RIN2: variants seen among roughly 807,000 people sequenced by gnomAD.
The protein encoded by RIN2 is Ras and Rab interactor 2, also known as RAB5 interacting protein 2.
In RIN2, 36 loss-of-function variants were observed where a neutral mutation model predicts 78.0. The observed-to-expected ratio is 0.46, with a 90% confidence interval of 0.35 to 0.61. The LOEUF is 0.61. Ranked by LOEUF, RIN2 falls within the 20% of genes least tolerant of loss-of-function variation. RIN2 has a pLI of 0.00. For missense variants in RIN2, 1,087 were observed against 1,159.7 expected, an observed-to-expected ratio of 0.94 and a Z score of 0.91; for synonymous variants, 466 against 466.8, an observed-to-expected ratio of 1.00 and a Z score of 0.02.
intron 2 of RIN2, chr20:19,872,066 TG>T (rs35053017): frequency 6.6e-6 from 1 of 152,124 alleles, no homozygotes; most frequent in East Asian, 1.9e-4. Flanking sequence ...TATTGGATCA[TG>T]GGGGCAGTTT....
In RIN2 at chr20:19,975,473, G is replaced by A. The variant is rs2042250468; in HGVS notation, c.1448G>A (p.Arg483Lys). The A allele has an allele frequency of 2.5e-6, 4 of 1,614,030 alleles. No homozygotes were observed. In the East Asian group the frequency reaches 8.9e-5, roughly 36 times the overall value. The stretch of plus-strand genomic sequence containing the variant: ...CCCCCCATCAAGTCCAAAAAGAAAA[G>A]GAGCAGCTCCTTCGTGCTGCCCAAG... ...MAPPIKSKKK[R>K]SSSFVLPKLV... The change falls in exon 9 of 13, where the codon AGG becomes AAG. Residue 483 changes from arginine (R) to lysine (K), a missense_variant. Physicochemically the swap from Arg to Lys is conservative, Grantham distance 26. Transcript: ENST00000255006. This position sits in a 1 kb window ranked among gnomAD's most constrained non-coding sequence, Gnocchi z 4.9.
intron 2 of RIN2, among the ~76,000 whole-genome samples, chr20:19,821,655 C>T (rs553401042): frequency 1.2e-4 from 18 of 148,386 alleles, no homozygotes; most frequent in African/African-American, 3.7e-4. Flanking sequence ...CCATTCCTCA[C>T]GCTGCTCTCT....
chr20:19,895,392 C>T (rs541082653), intron 3 of RIN2, among the ~76,000 whole-genome samples: 12 of 152,264 alleles, frequency 7.9e-5, no homozygotes, highest in Admixed American at 7.8e-4. Flanking sequence ...TACCGGCATA[C>T]CTTTGGGCTT....
chr20:19,968,534 GA>G (rs1474044414), intron 7 of RIN2, among the ~76,000 whole-genome samples: 1 of 152,142 alleles, frequency 6.6e-6, no homozygotes, highest in Non-Finnish European at 1.5e-5. Context: ...GGCACAGTGG[GA>G]GACGATGCAT....
Position 19,889,613 on chromosome 20 carries a change from G to C in RIN2, c.12G>C (p.Trp4Cys), listed in dbSNP as rs1216259431. ...CCTCGCTGGGGGAAATGACAGCTTG[G>C]ACCATGGGCGCCCGCGGTCTGGACA... Reference protein sequence around the residue: MTAWTMGARGLDKR... With the variant: MTACTMGARGLDKR... The change falls in exon 3 of 13, where the codon TGG becomes TGC. Residue 4 changes from tryptophan (W) to cysteine (C), a missense_variant. By Grantham distance (215) the Trp-to-Cys change is radical (BLOSUM62 -2). This residue lies in a region of RIN2 where 706 missense variants were observed against 667.5 expected (regional missense o/e 1.06). Transcript: ENST00000255006. 14 of 1,551,792 alleles carry C rather than the reference G, an allele frequency of 9.0e-6. No individual in the cohort carries two copies. Among genetic ancestry groups the C allele is most frequent in the South Asian group, 6.0e-5 (5 of 83,326 alleles).
At chr20:19,888,418 C>T (rs1039479545) in intron 2 of RIN2, among the ~76,000 whole-genome samples, 1 of 152,204 alleles carries the variant, frequency 6.6e-6, no homozygotes, top group Non-Finnish European at 1.5e-5. Flanking sequence ...CCCTAAATAT[C>T]GCCCTCAATG....
At chr20:19,870,230 A>G (rs2037648991) in intron 2 of RIN2, among the ~76,000 whole-genome samples, 1 of 152,214 alleles carries the variant, frequency 6.6e-6, no homozygotes, top group Non-Finnish European at 1.5e-5. Flanking sequence ...TAAACCCGAG[A>G]TGCCAATTGT....
chr20:19,846,070 C>A (rs1447640440), intron 2 of RIN2, among the ~76,000 whole-genome samples: 1 of 152,144 alleles, frequency 6.6e-6, no homozygotes, highest in East Asian at 1.9e-4. Context: ...GGGCTCTGTT[C>A]TGTTCCATTG....
At chr20:19,932,437 A>G (rs929870824) in intron 3 of RIN2, among the ~76,000 whole-genome samples, 9 of 152,204 alleles carry the variant, frequency 5.9e-5, no homozygotes, top group African/African-American at 1.4e-4. Context: ...GTTTTCCCAC[A>G]TCCTAGAGTA....
chr20:19,897,712 G>A (rs1488327543), intron 3 of RIN2, among the ~76,000 whole-genome samples: 1 of 151,520 alleles, frequency 6.6e-6, no homozygotes, highest in Non-Finnish European at 1.5e-5. Context: ...GGAACTGTTG[G>A]CTTCTTTTTT....
chr20:19,772,146 C>G (rs925235145), intron 1 of RIN2, among the ~76,000 whole-genome samples: 1 of 152,208 alleles, frequency 6.6e-6, no homozygotes, highest in South Asian at 2.1e-4. Flanking sequence ...CAGTTTCTCA[C>G]CCTGTTTCCT....
rs2043149153 is a variant in RIN2 at position 20,001,776 on chromosome 20, A to C, written c.*840A>C. ...TAAGGAGAGAAATGAATGTAGAGAG[A>C]GGTAGAGAGAGAAATATGAACTCTA... On this transcript the variant is annotated 3_prime_UTR_variant, in exon 13 of 13. Transcript: ENST00000255006. 2 of 152,614 alleles carry C rather than the reference A, an allele frequency of 1.3e-5. No homozygotes were observed. The highest frequency in any genetic ancestry group is 4.1e-4 in the South Asian group (2 of 4,828). The allele number at this position is 152,614 out of a possible 1,614,324, so 9.5% of individuals were successfully genotyped here.
intron 1 of RIN2, among the ~76,000 whole-genome samples, chr20:19,786,936 T>C (rs187041342): frequency 1.8e-4 from 28 of 152,328 alleles, no homozygotes; most frequent in African/African-American, 6.5e-4. Flanking sequence ...CTATTGCTTT[T>C]GGTGAAAGTA....
chr20:19,780,484 G>T (rs939826090), intron 1 of RIN2, among the ~76,000 whole-genome samples: 1 of 152,072 alleles, frequency 6.6e-6, no homozygotes, highest in Non-Finnish European at 1.5e-5. Context: ...TACCCACTGA[G>T]ATCTGGATGT....
At chr20:19,994,838 A>G (rs1235278031) in intron 11 of RIN2, among the ~76,000 whole-genome samples, 1 of 152,012 alleles carries the variant, frequency 6.6e-6, no homozygotes, top group Non-Finnish European at 1.5e-5. Context: ...ACAATTCAAA[A>G]CTCTTAACTA....
At position 19,875,414 on chromosome 20, in the gene RIN2, C is replaced by A. The variant is rs187662856; in HGVS notation, c.-36-14152C>A. On this transcript the variant is annotated intron_variant, in intron 2 of 12. Transcript: ENST00000255006. The stretch of plus-strand genomic sequence containing the variant: ...ACTCCTGACCTTGTGATCTGCCCAC[C>A]TCAGCCTCCCAAAGTGCTAGGATTA... Among the ~76,000 whole-genome samples the A allele has an allele frequency of 3.2e-3, 482 of 152,244 alleles. 4 individuals are homozygous for A. Among genetic ancestry groups the A allele is most frequent in the African/African-American group, 0.011 (461 of 41,544 alleles).
intron 11 of RIN2, among the ~76,000 whole-genome samples, chr20:19,996,376 A>G (rs1227534474): frequency 6.6e-6 from 1 of 152,080 alleles, no homozygotes; most frequent in Non-Finnish European, 1.5e-5. Flanking sequence ...GGTCAGTCTC[A>G]CGCACTAGAA....
intron 2 of RIN2, among the ~76,000 whole-genome samples, chr20:19,885,173 C>T (rs1471224140): frequency 2.0e-5 from 3 of 152,122 alleles, no homozygotes; most frequent in Non-Finnish European, 4.4e-5. Flanking sequence ...ATTGCTTTTG[C>T]TGCTTCTTTT....
In RIN2 at chr20:19,886,791, T is replaced by C. The variant is rs1370422166; in HGVS notation, c.-36-2775T>C. The C allele has an allele frequency of 9.4e-6, 14 of 1,484,098 alleles. No individual in the cohort carries two copies. The East Asian group carries it at 2.7e-4, about 29-fold the overall frequency. The allele number at this position is 1,484,098 out of a possible 1,614,324, so 91.9% of individuals were successfully genotyped here. A position where few individuals can be genotyped will look rare whatever the true frequency, so the allele number is the denominator to read the frequency against. ...GCCTCTCAAACTACGGTACCCTTTT[T>C]GTTTCTTAGTCTAGCCTGTTACTGG... On this transcript the variant is annotated intron_variant, in intron 2 of 12. Coordinates refer to ENST00000255006, the MANE Select transcript of RIN2 (RefSeq NM_018993.4).
Sources: gnomAD v4.1 joint callset for allele counts (sites outside exome capture counted in the v4.1 genomes callset) on GRCh38, gnomAD v4.1.1 for gene constraint, gnomAD v4.1.1 regional missense constraint, Gnocchi (gnomAD v3.1) non-coding constraint, MANE v1.5 for transcripts, NCBI Gene and HGNC (gene_info 2026-07-23, HGNC 2026-07-21) for gene names.